The following IBTK variants were observed in gnomAD, a reference collection of about 807,000 sequenced individuals.
IBTK encodes inhibitor of Bruton tyrosine kinase, also known as BTK-binding protein.
A neutral mutation model predicts 154.9 loss-of-function variants in IBTK; 83 were observed. The ratio of observed to expected loss-of-function variants is 0.54; its 90% CI spans 0.45 to 0.64. IBTK has a LOEUF of 0.64. Ranked by LOEUF, IBTK falls within the 30% of genes least tolerant of loss-of-function variation. IBTK has a pLI of 0.00. For synonymous variants in IBTK, 515 were observed against 536.1 expected (o/e 0.96, Z 0.54); for missense variants, 1,332 against 1,584.6 (o/e 0.84, Z 2.71).
At chr6:82,181,205 C>T (rs890926647) in intron 26 of IBTK, among the ~76,000 whole-genome samples, 4 of 151,988 alleles carry the variant, frequency 2.6e-5, no homozygotes, top group Non-Finnish European at 5.9e-5. Context: ...GCCTGGGCAA[C>T]ATAATGAGAC....
intron 25 of IBTK, among the ~76,000 whole-genome samples, chr6:82,183,745 T>G (rs374661405): frequency 1.3e-5 from 2 of 152,318 alleles, no homozygotes; most frequent in African/African-American, 2.4e-5. Flanking sequence ...TAGGTCTGAA[T>G]GTATTTCCTC....
chr6:82,220,937 TACAC>T lies in IBTK; in HGVS notation c.1125-228_1125-225del, dbSNP rs57358110. Among the ~76,000 whole-genome samples, 1,142 of 130,122 alleles carry T rather than the reference TACAC, an allele frequency of 8.8e-3. 11 individuals are homozygous for T. The highest frequency in any genetic ancestry group is 0.016 in the African/African-American group (536 of 34,270). 85.4% of individuals were successfully genotyped at this position (130,122 alleles called of 152,430 possible). On this transcript the variant is annotated intron_variant, in intron 8 of 28. Coordinates refer to ENST00000306270, the MANE Select transcript of IBTK (RefSeq NM_015525.4). Reference sequence around the variant, plus strand: ...TCTTTTTCTCTTAAATGACTTTACCTACACACACACACACACACACACACACACA... The same window carrying T: ...TCTTTTTCTCTTAAATGACTTTACCTACACACACACACACACACACACACA...
At chr6:82,236,178 T>G (rs1333860894) in intron 2 of IBTK, among the ~76,000 whole-genome samples, 1 of 152,146 alleles carries the variant, frequency 6.6e-6, no homozygotes. Context: ...CCGGCCATTG[T>G]TCATTAATTT....
chr6:82,200,836 A>T, intron 19 of IBTK, 128 bp from the exon 20 acceptor site: 2 of 1,019,670 alleles, frequency 2.0e-6, no homozygotes, highest in Non-Finnish European at 2.7e-6. Context: ...CCTGGCCCCA[A>T]GCAAACCTCC....
rs1307283226 is a variant in IBTK at position 82,211,355 on chromosome 6, C to G, written c.2412+12G>C. The stretch of plus-strand genomic sequence containing the variant: ...TAGTTACCAACCTAGGCGCTTTTTA[C>G]TTAAATCTTACCTCAATCCATGAGC... On this transcript the variant is annotated intron_variant, in intron 15 of 28. Coordinates refer to ENST00000306270, the MANE Select transcript of IBTK (RefSeq NM_015525.4). 1 of 1,590,682 alleles carries G rather than the reference C, an allele frequency of 6.3e-7. No individual in the cohort carries two copies. The highest frequency in any genetic ancestry group is 2.2e-5 in the East Asian group (1 of 44,686).
chr6:82,240,595 CTTTT>C lies in IBTK; in HGVS notation c.-113_-110del. On this transcript the variant is annotated 5_prime_UTR_variant, in exon 2 of 29. Transcript: ENST00000306270. ...GAGGAAGTTACAGAGAATAAATTAC[CTTTT>C]TAGGATAATTTAAATCCTCCTGACA... 1.2e-6 allele frequency: 1 copy of C among 858,702 alleles called. No homozygotes were observed. Among genetic ancestry groups the C allele is most frequent in the Non-Finnish European group, 1.8e-6 (1 of 555,458 alleles). The allele number at this position is 858,702 out of a possible 1,614,324, so 53.2% of individuals were successfully genotyped here. A position where few individuals can be genotyped will look rare whatever the true frequency, so the allele number is the denominator to read the frequency against.
chr6:82,209,078 A>G lies in IBTK; in HGVS notation c.2509+1736T>C, dbSNP rs1769526307. Among the ~76,000 whole-genome samples, 2 of 152,194 alleles carry G rather than the reference A, an allele frequency of 1.3e-5. 1 individual carries two copies. Among genetic ancestry groups the G allele is most frequent in the South Asian group, 4.1e-4 (2 of 4,836 alleles). The stretch of plus-strand genomic sequence containing the variant: ...AGGATGGCTATAATAAAAAAGGTTG[A>G]TATTAGTAAGTGCTTGCAAGGATGT... On this transcript the variant is annotated intron_variant, in intron 16 of 28. Coordinates refer to ENST00000306270, the MANE Select transcript of IBTK (RefSeq NM_015525.4).
Position 82,241,776 on chromosome 6 carries a change from G to A in IBTK, c.-357-933C>T, listed in dbSNP as rs80299913. On this transcript the variant is annotated intron_variant, in intron 1 of 28. Coordinates refer to ENST00000306270, the MANE Select transcript of IBTK (RefSeq NM_015525.4). ...TTGCCTCAATATATATGGTCTTTTA[G>A]ATCTTCCTTAATGTGTAGTCTTTGG... Among the ~76,000 whole-genome samples, 1,107 of 152,288 alleles carry A rather than the reference G, an allele frequency of 7.3e-3. 14 individuals carry two copies. Among genetic ancestry groups the A allele is most frequent in the African/African-American group, 0.025 (1,041 of 41,554 alleles).
intron 7 of IBTK, 90 bp from the exon 8 acceptor site, chr6:82,223,710 G>A: frequency 8.7e-7 from 1 of 1,148,884 alleles, no homozygotes; most frequent in Non-Finnish European, 1.2e-6. Flanking sequence ...TATAATCCCA[G>A]CACTTGGGGA....
At chr6:82,242,624 A>C (rs1770994056) in intron 1 of IBTK, among the ~76,000 whole-genome samples, 2 of 152,102 alleles carry the variant, frequency 1.3e-5, no homozygotes, top group Non-Finnish European at 2.9e-5. Flanking sequence ...GAACAACAGC[A>C]ACAAAAAGAA....
In IBTK at chr6:82,240,215, T is replaced by C; in HGVS notation, c.272A>G (p.His91Arg). ...KDKESGWTAL[H>R]RSIFYGHIDC... Reference sequence around the variant, plus strand: ...AATATGTCCATAAAAAATGCTTCTGTGCAATGCTGTCCATCCAGACTCTTT... The same window carrying C: ...AATATGTCCATAAAAAATGCTTCTGCGCAATGCTGTCCATCCAGACTCTTT... Residue 91 changes from histidine to arginine, a missense_variant, in exon 2 of 29, where the codon CAC (histidine) becomes CGC (arginine). Coordinates refer to ENST00000306270, the MANE Select transcript of IBTK (RefSeq NM_015525.4). 5 of 1,614,236 alleles carry C rather than the reference T, an allele frequency of 3.1e-6. No homozygotes were observed. Among genetic ancestry groups the C allele is most frequent in the Non-Finnish European group, 4.2e-6 (5 of 1,180,036 alleles).
chr6:82,191,642 A>G, intron 24 of IBTK, 145 bp downstream of exon 24: 1 of 708,510 alleles, frequency 1.4e-6, no homozygotes, highest in Non-Finnish European at 2.6e-6. Flanking sequence ...AAATAATATT[A>G]TGGAGGCTAA....
intron 2 of IBTK, among the ~76,000 whole-genome samples, chr6:82,238,866 G>T (rs1770834699): frequency 6.6e-6 from 1 of 151,708 alleles, no homozygotes; most frequent in African/African-American, 2.4e-5. Context: ...AGTCTCCCAA[G>T]TAGCTAAGAC....
chr6:82,229,153 C>A (rs1770408688), intron 4 of IBTK, among the ~76,000 whole-genome samples: 1 of 152,028 alleles, frequency 6.6e-6, no homozygotes, highest in Non-Finnish European at 1.5e-5. Context: ...ATACTGATTT[C>A]TTTCCTTCAA....
chr6:82,218,822 A>G (rs2127817898), intron 9 of IBTK, among the ~76,000 whole-genome samples: 1 of 152,254 alleles, frequency 6.6e-6, no homozygotes, highest in South Asian at 2.1e-4. Flanking sequence ...TAAAAGTCCA[A>G]TTCCCTCATA....
intron 11 of IBTK, 32 bp downstream of exon 11, chr6:82,216,044 T>C: frequency 6.6e-7 from 1 of 1,524,584 alleles, no homozygotes; most frequent in Non-Finnish European, 8.9e-7. Context: ...TTGTTCCTTC[T>C]AAAAAATGAA....
intron 4 of IBTK, among the ~76,000 whole-genome samples, chr6:82,229,246 A>G (rs9449450): frequency 0.17 from 26,505 of 152,024 alleles, 2,352 homozygotes; most frequent in African/African-American, 0.18. Flanking sequence ...AAACACGCCC[A>G]CTGCCTTGCC....
In IBTK at chr6:82,200,612, C is replaced by T. The variant is rs9986531; in HGVS notation, c.2887G>A (p.Glu963Lys). ...GAATGATTTTGTTCCATATTTATTTCTTCTTTCAAGAAGATATCTCCATCT... is the reference window on the plus strand; with the variant it reads ...GAATGATTTTGTTCCATATTTATTTTTTCTTTCAAGAAGATATCTCCATCT... ...VEDGDIFLKEEINMEQNHSET... is the reference protein window; with the variant it reads ...VEDGDIFLKEKINMEQNHSET... Residue 963 changes from glutamate (E) to lysine (K), a missense_variant, in exon 20 of 29, where the codon GAA becomes AAA. This residue lies in a region of IBTK where 1,134 missense variants were observed against 1,274.7 expected (regional missense o/e 0.89). Coordinates refer to ENST00000306270, the MANE Select transcript of IBTK (RefSeq NM_015525.4). The T allele has an allele frequency of 6.3e-7, 1 of 1,577,306 alleles. No individual in the cohort carries two copies. Among genetic ancestry groups the T allele is most frequent in the Non-Finnish European group, 8.6e-7 (1 of 1,165,930 alleles).
chr6:82,200,322 C>A, intron 20 of IBTK, 69 bp from the exon 21 acceptor site: 2 of 1,096,488 alleles, frequency 1.8e-6, no homozygotes, highest in South Asian at 1.3e-5. Context: ...CTTATTTAAC[C>A]CAACATGTTT....
Sources: gnomAD v4.1 joint callset for allele counts (sites outside exome capture counted in the v4.1 genomes callset) on GRCh38, gnomAD v4.1.1 for gene constraint, gnomAD v4.1.1 regional missense constraint, MANE v1.5 for transcripts, NCBI Gene and HGNC (gene_info 2026-07-23, HGNC 2026-07-21) for gene names.